Variants in CNTN3 observed in about 807,000 individuals in gnomAD.
CNTN3 encodes the protein contactin-3.
Under a neutral mutation model 119.1 loss-of-function variants are expected in CNTN3, and 60 were observed. That is an observed-to-expected ratio of 0.50 (90% CI 0.41 to 0.62). The LOEUF is 0.62. Ranked by LOEUF, CNTN3 falls within the 20% of genes least tolerant of loss-of-function variation. The probability of loss-of-function intolerance (pLI) is 0.00; values close to 1 mark genes in which losing one functional copy is unlikely to be tolerated. For synonymous variants in CNTN3, 450 were observed against 438.7 expected, an observed-to-expected ratio of 1.03 and a Z score of -0.32; for missense variants, 1,101 against 1,242.4, an observed-to-expected ratio of 0.89 and a Z score of 1.71.
intron 4 of CNTN3, among the ~76,000 whole-genome samples, chr3:74,438,199 G>C (rs1438067154): frequency 6.6e-6 from 1 of 152,132 alleles, no homozygotes; most frequent in African/African-American, 2.4e-5. Flanking sequence ...TAATAGTGTA[G>C]ATTAAAATGT....
At chr3:74,402,648 T>C (rs1475051554) in intron 5 of CNTN3, among the ~76,000 whole-genome samples, 1 of 152,180 alleles carries the variant, frequency 6.6e-6, no homozygotes, top group Non-Finnish European at 1.5e-5. Context: ...CTAATTTTTA[T>C]GGAGGTGGAT....
At chr3:74,386,773 T>C (rs1186768901) in intron 5 of CNTN3, among the ~76,000 whole-genome samples, 1 of 152,222 alleles carries the variant, frequency 6.6e-6, no homozygotes, top group East Asian at 1.9e-4. Flanking sequence ...ACCAAGTCCA[T>C]ACAGGAATGC....
At chr3:74,567,145 T>C (rs1481482359) in intron 1 of CNTN3, among the ~76,000 whole-genome samples, 1 of 151,796 alleles carries the variant, frequency 6.6e-6, no homozygotes, top group African/African-American at 2.4e-5. Context: ...GGCTTCTTCT[T>C]TTTTTTAATT....
At chr3:74,463,174 C>T (rs1380883072) in intron 4 of CNTN3, among the ~76,000 whole-genome samples, 2 of 152,104 alleles carry the variant, frequency 1.3e-5, no homozygotes, top group African/African-American at 2.4e-5. Flanking sequence ...AGCCATTAAG[C>T]GTTTGCTTTC....
At chr3:74,302,964 T>G (rs188016980) in intron 13 of CNTN3, among the ~76,000 whole-genome samples, 157 bp from the exon 14 acceptor site, 236 of 152,290 alleles carry the variant, frequency 1.5e-3, no homozygotes, top group Non-Finnish European at 2.8e-3. Flanking sequence ...ATGGAATGTA[T>G]GGAAATATAA....
At chr3:74,573,513 A>C (rs1408570690) in intron 1 of CNTN3, among the ~76,000 whole-genome samples, 1 of 152,216 alleles carries the variant, frequency 6.6e-6, no homozygotes, top group Admixed American at 6.5e-5. Flanking sequence ...GACAACTCAG[A>C]GAATGGGACA....
chr3:74,614,500 C>T lies in CNTN3; in HGVS notation c.-190G>A, dbSNP rs1705140682. Among the ~76,000 whole-genome samples the T allele has an allele frequency of 1.4e-5, 2 of 146,158 alleles. No homozygotes were observed. Among genetic ancestry groups the T allele is most frequent in the Admixed American group, 1.4e-4 (2 of 14,690 alleles). ...CCGCAGTTAGTCCGGGCCCGGGGGG[C>T]CGCCGTGCGCGCCCGCGTAAGCCGC... is the stretch of plus-strand genomic sequence containing the variant. On this transcript the variant is annotated 5_prime_UTR_variant, in exon 1 of 23. Transcript: ENST00000263665.
intron 13 of CNTN3, among the ~76,000 whole-genome samples, chr3:74,307,739 C>G (rs960113462): frequency 5.3e-5 from 8 of 152,114 alleles, no homozygotes; most frequent in African/African-American, 1.9e-4. Flanking sequence ...TTAAAATAAA[C>G]TTCGGAATTA....
In CNTN3 at chr3:74,499,719, G is replaced by A. The variant is rs373612458; in HGVS notation, c.122C>T (p.Ser41Leu). The change falls in exon 3 of 23, where the codon TCA (serine) becomes TTA (leucine). Residue 41 changes from serine (S) to leucine (L), a missense_variant. Ser to Leu is a moderately radical substitution (Grantham distance 145, BLOSUM62 -2). Transcript: ENST00000263665. ...EPSNSIFPVG[S>L]EDKKITLHCE... is the part of the protein sequence containing the mutation. ...ATGCAAAGTTATTTTTTTATCTTCT[G>A]AACCAACAGGGAAAATGCTGTTGCT... The A allele has an allele frequency of 2.5e-6, 4 of 1,611,448 alleles. No homozygotes were observed. Among genetic ancestry groups the A allele is most frequent in the South Asian group, 1.1e-5 (1 of 90,968 alleles).
chr3:74,445,367 A>G (rs189447265), intron 4 of CNTN3, among the ~76,000 whole-genome samples: 217 of 152,034 alleles, frequency 1.4e-3, no homozygotes, highest in Middle Eastern at 3.4e-3. Context: ...GGATCAACCA[A>G]TTCTCCTGCC....
intron 5 of CNTN3, among the ~76,000 whole-genome samples, chr3:74,389,906 T>C (rs908799439): frequency 6.6e-6 from 1 of 152,162 alleles, no homozygotes; most frequent in Non-Finnish European, 1.5e-5. Flanking sequence ...AAGGAAGCCT[T>C]CTTACTCTCT....
At chr3:74,414,330 C>T (rs1386132266) in intron 5 of CNTN3, among the ~76,000 whole-genome samples, 1 of 152,024 alleles carries the variant, frequency 6.6e-6, no homozygotes, top group Non-Finnish European at 1.5e-5. Context: ...ACAAAGTTCA[C>T]TTCTGTTTTA....
chr3:74,605,696 T>C (rs1182187651), intron 1 of CNTN3, among the ~76,000 whole-genome samples: 2 of 152,160 alleles, frequency 1.3e-5, no homozygotes, highest in African/African-American at 4.8e-5. Context: ...GTGACCTGTG[T>C]TTCTCAAGGA....
chr3:74,360,402 A>T (rs1031805360), intron 11 of CNTN3, among the ~76,000 whole-genome samples: 1 of 152,174 alleles, frequency 6.6e-6, no homozygotes, highest in Non-Finnish European at 1.5e-5. Flanking sequence ...GTCAAACAGA[A>T]TGGCTCCCAA....
chr3:74,492,767 G>A (rs1049308272), intron 3 of CNTN3, among the ~76,000 whole-genome samples: 1 of 152,130 alleles, frequency 6.6e-6, no homozygotes, highest in African/African-American at 2.4e-5. Context: ...ACGAATGTGT[G>A]TGTGTGTGTA....
chr3:74,512,710 A>AAG (rs1703389513), intron 2 of CNTN3, among the ~76,000 whole-genome samples: 2 of 150,346 alleles, frequency 1.3e-5, no homozygotes, highest in African/African-American at 2.4e-5. Context: ...AAAAAAAAAA[A>AAG]AAAAAGAAAG....
chr3:74,282,396 T>C (rs1702030640), intron 20 of CNTN3, among the ~76,000 whole-genome samples: 1 of 152,208 alleles, frequency 6.6e-6, no homozygotes, highest in African/African-American at 2.4e-5. Flanking sequence ...GAATTTGCAA[T>C]GTGCAGTCAA....
Position 74,369,191 on chromosome 3 carries a change from T to A in CNTN3, c.944A>T (p.Tyr315Phe). Residue 315 changes from tyrosine (Y) to phenylalanine (F), a missense_variant and splice_region_variant, in exon 8 of 23, where the codon TAT becomes TTT. Transcript: ENST00000263665. ...ATTTGCCCAAAGCAGATGCTCACCA[T>A]AGTAAGTGAGACGCCCTCTGGCAAC... is the stretch of plus-strand genomic sequence containing the variant. ...KNVARGRLTY[Y>F]AKPHWVQLIK... 3 of 1,597,310 alleles carry A rather than the reference T, an allele frequency of 1.9e-6. No homozygotes were observed. The highest frequency in any genetic ancestry group is 2.6e-6 in the Non-Finnish European group (3 of 1,172,480).
chr3:74,407,066 G>A (rs1701332652), intron 5 of CNTN3, among the ~76,000 whole-genome samples: 1 of 152,066 alleles, frequency 6.6e-6, no homozygotes, highest in South Asian at 2.1e-4. Context: ...GAATGGAAGG[G>A]ATCTTTCATT....
Sources: gnomAD v4.1 joint callset for allele counts (sites outside exome capture counted in the v4.1 genomes callset) on GRCh38, gnomAD v4.1.1 for gene constraint, MANE v1.5 for transcripts, NCBI Gene and HGNC (gene_info 2026-07-23, HGNC 2026-07-21) for gene names.